Variants in ARAP1 observed in about 807,000 individuals in gnomAD.
ARAP1 encodes the protein ArfGAP with RhoGAP domain, ankyrin repeat and PH domain 1.
ARAP1 carries 76 observed loss-of-function variants against 172.2 expected under a neutral mutation model. The observed-to-expected ratio is 0.44, with a 90% CI of 0.37 to 0.53. ARAP1 has a LOEUF of 0.53. ARAP1 is among the 20% of genes least tolerant of loss of function. The pLI, the probability that ARAP1 is intolerant of heterozygous loss-of-function variation, is 0.00. For synonymous variants in ARAP1, 804 were observed against 803.3 expected (o/e 1.00, Z -0.01); for missense variants, 1,686 against 1,977.5 (o/e 0.85, Z 2.80).
At chr11:72,713,714 G>T (rs1021099014) in intron 4 of ARAP1, among the ~76,000 whole-genome samples, 1 of 152,082 alleles carries the variant, frequency 6.6e-6, no homozygotes, top group Non-Finnish European at 1.5e-5. Flanking sequence ...AGGTATGGTG[G>T]CGGGCGCCTG....
At chr11:72,729,622 C>T (rs1203400862) in intron 2 of ARAP1, among the ~76,000 whole-genome samples, 4 of 151,486 alleles carry the variant, frequency 2.6e-5, no homozygotes, top group African/African-American at 4.9e-5. Flanking sequence ...AAAGGATTTA[C>T]GAAATCATCC....
At position 72,707,205 on chromosome 11, in the gene ARAP1, G is replaced by A. The variant is rs771207304; in HGVS notation, c.1693C>T (p.Leu565Phe). 2 of 1,601,014 alleles carry A rather than the reference G, an allele frequency of 1.2e-6. No individual in the cohort carries two copies. The highest frequency in any genetic ancestry group is 1.7e-6 in the Non-Finnish European group (2 of 1,173,748). ...APQPDWASINLCVVICKRCAG... is the reference protein window; with the variant it reads ...APQPDWASINFCVVICKRCAG... Reference sequence around the variant, plus strand: ...CAGCGCTTGCAGATAACAACACAGAGGTTGATGGAGGCCCAGTCAGGCTGA... The same window carrying A: ...CAGCGCTTGCAGATAACAACACAGAAGTTGATGGAGGCCCAGTCAGGCTGA... Residue 565 changes from leucine (L) to phenylalanine (F), a missense_variant, in exon 12 of 35, where the codon CTC becomes TTC. Physicochemically the swap from Leu to Phe is conservative, Grantham distance 22 (BLOSUM62 0). Around this residue, in one of 5 missense-constraint regions of ARAP1, gnomAD observed 688 missense variants for 856.9 expected, o/e 0.80. Transcript: ENST00000393609.
Position 72,726,482 on chromosome 11 carries a change from C to G in ARAP1, c.509+138G>C, listed in dbSNP as rs1857691851. 8.4e-7 allele frequency: 1 copy of G among 1,187,788 alleles called. No homozygotes were observed. Among genetic ancestry groups the G allele is most frequent in the Non-Finnish European group, 1.1e-6 (1 of 873,790 alleles). The allele number at this position is 1,187,788 out of a possible 1,614,324, so 73.6% of individuals were successfully genotyped here. ...TGAGTCACCAGACAGCAATCCTGTC[C>G]TCCGAGCTTTGCACACGCTGTTCCC... On this transcript the variant is annotated intron_variant, in intron 3 of 34. Coordinates refer to ENST00000393609, the MANE Select transcript of ARAP1 (RefSeq NM_001040118.3). This position sits in a 1 kb window ranked among gnomAD's most constrained non-coding sequence, Gnocchi z 6.5.
chr11:72,694,907 G>T, intron 27 of ARAP1, 73 bp downstream of exon 27: 1 of 1,336,304 alleles, frequency 7.5e-7, no homozygotes, highest in Non-Finnish European at 1.1e-6. Flanking sequence ...GCAGGGTAGG[G>T]GAGGACAGAC....
Position 72,699,008 on chromosome 11 carries a change from A to G in ARAP1, c.2538T>C (p.Ala846=). 1 of 1,614,022 alleles carries G rather than the reference A, an allele frequency of 6.2e-7. No individual in the cohort carries two copies. The highest frequency in any genetic ancestry group is 2.2e-5 in the East Asian group (1 of 44,852). ...CACCCTGCTACCCCAGGCTCACCTT[A>G]GCAATACACTTGACCCACTCATGAG... ...EQAHEWVKCI[A]KAFVPPLAED... The change falls in exon 18 of 35, where the codon GCT becomes GCC. Residue 846 remains alanine, a synonymous_variant. Coordinates refer to ENST00000393609, the MANE Select transcript of ARAP1 (RefSeq NM_001040118.3). This position sits in a 1 kb window ranked among gnomAD's most constrained non-coding sequence, Gnocchi z 4.2.
At position 72,749,468 on chromosome 11, in the gene ARAP1, AGGCTGTTACTT is replaced by A. The variant is rs376881666; in HGVS notation, c.-128+2849_-128+2859del. Among the ~76,000 whole-genome samples, 980 of 152,292 alleles carry A rather than the reference AGGCTGTTACTT, an allele frequency of 6.4e-3. 2 individuals carry two copies. Among genetic ancestry groups the A allele is most frequent in the African/African-American group, 0.019 (801 of 41,552 alleles). ...TGATGTTATTACTCAGCTTTCTCTA[AGGCTGTTACTT>A]CCACTATGATATTGGAGGGTGATGG... On this transcript the variant is annotated intron_variant, in intron 1 of 34. Transcript: ENST00000393609.
chr11:72,727,148 C>T lies in ARAP1; in HGVS notation c.-20G>A, dbSNP rs749412593. On this transcript the variant is annotated 5_prime_UTR_variant, in exon 3 of 35. Coordinates refer to ENST00000393609, the MANE Select transcript of ARAP1 (RefSeq NM_001040118.3). The stretch of plus-strand genomic sequence containing the variant: ...TGCCATGGTTCCTGCCAGCGGAGGC[C>T]TGACTGGCAGGGCTTTGTCCAGAGC... 6.4e-7 allele frequency: 1 copy of T among 1,560,924 alleles called. No individual in the cohort carries two copies. The highest frequency in any genetic ancestry group is 8.7e-7 in the Non-Finnish European group (1 of 1,151,612).
chr11:72,698,396 T>C (rs1256499835), intron 18 of ARAP1, among the ~76,000 whole-genome samples: 5 of 152,218 alleles, frequency 3.3e-5, no homozygotes, highest in Non-Finnish European at 5.9e-5. Flanking sequence ...CTGGTTACAC[T>C]GCTGCTGCCG....
chr11:72,742,266 C>T (rs1858222434), intron 1 of ARAP1, among the ~76,000 whole-genome samples: 1 of 152,186 alleles, frequency 6.6e-6, no homozygotes, highest in South Asian at 2.1e-4. Flanking sequence ...CCTGATCCGG[C>T]CACCCCTGCT....
chr11:72,696,525 T>C, intron 23 of ARAP1, 24 bp downstream of exon 23: 1 of 1,475,278 alleles, frequency 6.8e-7, no homozygotes, highest in Non-Finnish European at 9.0e-7. Context: ...CCCCCCAGAA[T>C]CTCACAATGG....
In ARAP1 at chr11:72,692,986, C is replaced by T. The variant is rs191159711; in HGVS notation, c.3955-201G>A. On this transcript the variant is annotated intron_variant, in intron 29 of 34. Transcript: ENST00000393609. ...GGTGGCCCGGGAGGCATATGACATA[C>T]GATATGACAAGGCATGCATGCACAA... 28 of 687,806 alleles carry T rather than the reference C, an allele frequency of 4.1e-5. No individual in the cohort carries two copies. In the Admixed American group the frequency reaches 4.1e-4, roughly 10 times the overall value. The allele number at this position is 687,806 out of a possible 1,614,324, so 42.6% of individuals were successfully genotyped here. A position where few individuals can be genotyped will look rare whatever the true frequency, so the allele number is the denominator to read the frequency against.
At chr11:72,716,034 G>A (rs550750641) in intron 3 of ARAP1, among the ~76,000 whole-genome samples, 2 of 151,888 alleles carry the variant, frequency 1.3e-5, no homozygotes, top group African/African-American at 2.4e-5. Context: ...TTAGCCGGAC[G>A]TGGTGGCAGG....
At chr11:72,712,367 C>T (rs762927914) in intron 6 of ARAP1, 28 bp from the exon 7 acceptor site, 24 of 1,486,132 alleles carry the variant, frequency 1.6e-5, no homozygotes, top group East Asian at 7.2e-5. Flanking sequence ...GATGGGGGGC[C>T]GGGCTGAGGA....
chr11:72,715,237 C>T (rs1490986444), intron 3 of ARAP1, among the ~76,000 whole-genome samples: 1 of 152,226 alleles, frequency 6.6e-6, no homozygotes, highest in Non-Finnish European at 1.5e-5. Context: ...CAGGATGTGT[C>T]ATGTGCCAGT....
chr11:72,701,578 C>A, intron 16 of ARAP1, 71 bp downstream of exon 16: 1 of 1,551,388 alleles, frequency 6.4e-7, no homozygotes, highest in Non-Finnish European at 8.7e-7. Context: ...GTCTGGCCAG[C>A]CCTGGCTTCC....
At position 72,725,058 on chromosome 11, in the gene ARAP1, A is replaced by C. The variant is rs949349533; in HGVS notation, c.509+1562T>G. ...TATGGAGGACCACAGAGGGCACCTG[A>C]TGGGGAAACAGGCCCAGAGAAGCAG... is the stretch of plus-strand genomic sequence containing the variant. On this transcript the variant is annotated intron_variant, in intron 3 of 34. Transcript: ENST00000393609. This position sits in a 1 kb window ranked among gnomAD's most constrained non-coding sequence, Gnocchi z 4.3. Among the ~76,000 whole-genome samples the C allele has an allele frequency of 1.3e-5, 2 of 152,146 alleles. No individual in the cohort carries two copies. Among genetic ancestry groups the C allele is most frequent in the African/African-American group, 4.8e-5 (2 of 41,426 alleles).
chr11:72,735,535 G>T (rs549035276), intron 1 of ARAP1, among the ~76,000 whole-genome samples: 163 of 152,254 alleles, frequency 1.1e-3, no homozygotes, highest in Non-Finnish European at 1.6e-4. Flanking sequence ...CGCAGAGGTT[G>T]CAGTGAGCTG....
In ARAP1 at chr11:72,710,529, C is replaced by T. The variant is rs761941711; in HGVS notation, c.1272G>A (p.Arg424=). 8.7e-6 allele frequency: 14 copies of T among 1,613,440 alleles called. No individual in the cohort carries two copies. The highest frequency in any genetic ancestry group is 1.2e-5 in the Non-Finnish European group (14 of 1,179,992). The change falls in exon 10 of 35, where the codon CGG becomes CGA. Residue 424 remains arginine, a synonymous_variant. Transcript: ENST00000393609. The surrounding 1 kb of genome is among the most constrained non-coding windows in gnomAD (Gnocchi z 4.3). ...LQQAMAEQRA[R]ARLSSAYLLG... ...GCAGATAAGCGCTAGAGAGCCGGGC[C>T]CGGGCACGCTGCTCAGCCATGGCCT...
At chr11:72,698,215 C>G in intron 18 of ARAP1, 109 bp from the exon 19 acceptor site, 1 of 1,313,200 alleles carries the variant, frequency 7.6e-7, no homozygotes, top group Non-Finnish European at 1.0e-6. Flanking sequence ...CAGCTGCCTT[C>G]TCTTCTCTTC....
Sources: gnomAD v4.1 joint callset for allele counts (sites outside exome capture counted in the v4.1 genomes callset) on GRCh38, gnomAD v4.1.1 for gene constraint, gnomAD v4.1.1 regional missense constraint, Gnocchi (gnomAD v3.1) non-coding constraint, MANE v1.5 for transcripts, NCBI Gene and HGNC (gene_info 2026-07-23, HGNC 2026-07-21) for gene names.